ANKS1B: variants seen among roughly 807,000 people sequenced by gnomAD.
ANKS1B encodes the protein ankyrin repeat and sterile alpha motif domain-containing protein 1B.
In ANKS1B, 36 loss-of-function variants were observed where a neutral mutation model predicts 148.3. The ratio of observed to expected loss-of-function variants is 0.24; its 90% CI spans 0.19 to 0.32. The LOEUF (loss-of-function observed/expected upper bound fraction) is 0.32, where lower values mean the gene tolerates loss of function less well. ANKS1B is among the 10% of genes least tolerant of loss of function. ANKS1B has a pLI of 1.00. For synonymous variants in ANKS1B, 542 were observed against 560.8 expected (o/e 0.97, Z 0.47); for missense variants, 1,157 against 1,542.6 (o/e 0.75, Z 4.19).
chr12:98,880,009 T>C (rs1336719282), intron 17 of ANKS1B, among the ~76,000 whole-genome samples: 1 of 152,178 alleles, frequency 6.6e-6, no homozygotes, highest in African/African-American at 2.4e-5. Context: ...GTAGGAAAAG[T>C]AATGATTAAA....
intron 8 of ANKS1B, among the ~76,000 whole-genome samples, chr12:99,755,004 T>C (rs2061436845): frequency 6.6e-6 from 1 of 151,088 alleles, no homozygotes; most frequent in African/African-American, 2.4e-5. Context: ...AAATCAGAGC[T>C]GAATTTAAGG....
At chr12:99,551,970 T>G (rs2097223170) in intron 9 of ANKS1B, among the ~76,000 whole-genome samples, 1 of 152,142 alleles carries the variant, frequency 6.6e-6, no homozygotes, top group Non-Finnish European at 1.5e-5. Context: ...TCTGAAACAC[T>G]GTTCCAATCA....
intron 9 of ANKS1B, among the ~76,000 whole-genome samples, chr12:99,558,279 T>C (rs1173216152): frequency 1.3e-5 from 2 of 152,096 alleles, no homozygotes; most frequent in Non-Finnish European, 2.9e-5. Context: ...TCAGAGTCCA[T>C]GTGCACATCC....
At chr12:99,676,356 G>C (rs2098570440) in intron 8 of ANKS1B, among the ~76,000 whole-genome samples, 2 of 152,118 alleles carry the variant, frequency 1.3e-5, no homozygotes, top group South Asian at 4.1e-4. Flanking sequence ...CTGTATGACA[G>C]GTGAATTTTC....
intron 22 of ANKS1B, chr12:98,794,343 G>A (rs1218098129): frequency 5.5e-6 from 1 of 180,522 alleles, no homozygotes; most frequent in Admixed American, 9.1e-5. Context: ...AGTGAGCCAA[G>A]ATTGCACCAT....
At chr12:99,451,941 T>C (rs796534659) in intron 10 of ANKS1B, among the ~76,000 whole-genome samples, 1 of 152,176 alleles carries the variant, frequency 6.6e-6, no homozygotes, top group Non-Finnish European at 1.5e-5. Flanking sequence ...TGCCTTATTA[T>C]GGAAAATCCT....
intron 14 of ANKS1B, among the ~76,000 whole-genome samples, chr12:99,212,625 T>G (rs912205196): frequency 1.3e-5 from 2 of 152,246 alleles, no homozygotes; most frequent in Non-Finnish European, 2.9e-5. Flanking sequence ...TTTTACTTAT[T>G]GTGGTCTTTG....
intron 8 of ANKS1B, among the ~76,000 whole-genome samples, chr12:99,693,376 C>A (rs755075905): frequency 1.6e-4 from 25 of 152,060 alleles, no homozygotes; most frequent in Non-Finnish European, 2.9e-4. Context: ...TGTAAAAAAA[C>A]CAGAAACAAT....
At chr12:98,770,046 G>A (rs2098546550) in intron 25 of ANKS1B, among the ~76,000 whole-genome samples, 1 of 152,300 alleles carries the variant, frequency 6.6e-6, no homozygotes, top group Non-Finnish European at 1.5e-5. Flanking sequence ...AAAGGGTCAG[G>A]CTGTTAACTG....
intron 17 of ANKS1B, among the ~76,000 whole-genome samples, chr12:98,854,852 C>T (rs945993916): frequency 1.3e-5 from 2 of 152,164 alleles, no homozygotes; most frequent in African/African-American, 4.8e-5. Flanking sequence ...CAATTTTAAT[C>T]TGAATAAAGT....
At chr12:99,171,809 C>A (rs1293355465) in intron 14 of ANKS1B, among the ~76,000 whole-genome samples, 1 of 152,056 alleles carries the variant, frequency 6.6e-6, no homozygotes, top group African/African-American at 2.4e-5. Flanking sequence ...TTTGAATCCC[C>A]ATTGAGAAGA....
intron 12 of ANKS1B, among the ~76,000 whole-genome samples, chr12:99,328,353 C>T (rs778550864): frequency 7.9e-5 from 12 of 151,894 alleles, no homozygotes; most frequent in Non-Finnish European, 1.5e-4. Flanking sequence ...CATAGAGGAA[C>T]TCCCTCGAAT....
intron 8 of ANKS1B, among the ~76,000 whole-genome samples, chr12:99,694,250 C>G (rs2053566562): frequency 6.6e-6 from 1 of 151,024 alleles, no homozygotes; most frequent in Admixed American, 6.6e-5. Flanking sequence ...ACCAGCCTGG[C>G]CAACATGGTG....
rs535843102 is a variant in ANKS1B, at chr12:99,716,644, C to T, written c.1128+56278G>A. On this transcript the variant is annotated intron_variant, in intron 8 of 26. Transcript: ENST00000683438. ...CCTACGAGATCTAAATAATTCTTGT[C>T]GTAAAATGGGCAAACGGTCTGAGGT... Among the ~76,000 whole-genome samples the T allele has an allele frequency of 4.5e-4, 68 of 152,180 alleles. 2 individuals carry two copies. In the South Asian group the frequency reaches 0.01, roughly 23 times the overall value.
chr12:99,536,110 G>A (rs1340733932), intron 9 of ANKS1B, among the ~76,000 whole-genome samples: 1 of 152,130 alleles, frequency 6.6e-6, no homozygotes, highest in Non-Finnish European at 1.5e-5. Flanking sequence ...GTCTTTATTT[G>A]ACCTGATACA....
intron 1 of ANKS1B, among the ~76,000 whole-genome samples, chr12:99,828,296 G>A (rs900110939): frequency 1.3e-5 from 2 of 152,110 alleles, no homozygotes; most frequent in African/African-American, 4.8e-5. Context: ...ATCAACTTCT[G>A]TGATGTAAAT....
chr12:99,723,930 AAAAC>A (rs2058359494), intron 8 of ANKS1B, among the ~76,000 whole-genome samples: 2 of 151,312 alleles, frequency 1.3e-5, no homozygotes, highest in Non-Finnish European at 2.9e-5. Flanking sequence ...CATTGAAAGA[AAAAC>A]AAACAGAAAG....
At chr12:98,752,983 C>G (rs549712458) in intron 25 of ANKS1B, among the ~76,000 whole-genome samples, 1 of 152,196 alleles carries the variant, frequency 6.6e-6, no homozygotes, top group African/African-American at 2.4e-5. Flanking sequence ...ACAGTCGCAG[C>G]AGTGAGCACG....
intron 12 of ANKS1B, among the ~76,000 whole-genome samples, chr12:99,304,698 C>T (rs1001159416): frequency 2.0e-5 from 3 of 152,078 alleles, no homozygotes; most frequent in South Asian, 2.1e-4. Context: ...AATTGCCTAG[C>T]TTTCTGAGTG....
Sources: gnomAD v4.1 joint callset for allele counts (sites outside exome capture counted in the v4.1 genomes callset) on GRCh38, gnomAD v4.1.1 for gene constraint, MANE v1.5 for transcripts, NCBI Gene and HGNC (gene_info 2026-07-23, HGNC 2026-07-21) for gene names.